DYM: variants seen among roughly 807,000 people sequenced by gnomAD.
DYM encodes the protein dyggve-Melchior-Clausen syndrome protein.
DYM carries 78 observed loss-of-function variants against 93.1 expected under a neutral mutation model. The observed-to-expected ratio is 0.84, with a 90% CI of 0.70 to 1.01. DYM has a LOEUF of 1.01. DYM is among the 50% of genes least tolerant of loss of function. DYM has a pLI of 0.00. For missense variants in DYM, 789 were observed against 845.0 expected (o/e 0.93, Z 0.82); for synonymous variants, 321 against 319.7 (o/e 1.00, Z -0.04).
intron 6 of DYM, among the ~76,000 whole-genome samples, chr18:49,344,711 A>G (rs1292565379): frequency 2.6e-5 from 4 of 152,152 alleles, no homozygotes; most frequent in African/African-American, 9.7e-5. Context: ...GGGGAAAAAA[A>G]AAAAGACCTG....
chr18:49,319,604 A>C (rs1440565811), intron 8 of DYM, among the ~76,000 whole-genome samples: 1 of 152,198 alleles, frequency 6.6e-6, no homozygotes, highest in African/African-American at 2.4e-5. Flanking sequence ...CACTTATCAC[A>C]CGTTATTTAA....
chr18:49,171,016 A>G (rs950141307), intron 14 of DYM, among the ~76,000 whole-genome samples: 1 of 152,060 alleles, frequency 6.6e-6, no homozygotes, highest in Admixed American at 6.6e-5. Context: ...ACAAAACCCA[A>G]CAACAACAAA....
intron 17 of DYM, among the ~76,000 whole-genome samples, chr18:49,091,396 G>GGA (rs2079036965): frequency 6.6e-6 from 1 of 152,204 alleles, no homozygotes; most frequent in African/African-American, 2.4e-5. Flanking sequence ...CAGGCATGAT[G>GGA]GAGAGAGAGA....
rs529352256 is a variant in DYM at position 49,438,667 on chromosome 18, A to G, written c.-53-8220T>C. Among the ~76,000 whole-genome samples, 8 of 152,274 alleles carry G rather than the reference A, an allele frequency of 5.3e-5. No individual in the cohort carries two copies. The South Asian group carries it at 1.0e-3, about 20-fold the overall frequency. ...GCCCTCACTCCCACAGGAAGCAACA[A>G]CAGGGTGCTACCTGCTAGGAACAGA... On this transcript the variant is annotated intron_variant, in intron 1 of 17. Coordinates refer to ENST00000675505, the MANE Select transcript of DYM (RefSeq NM_001353214.3).
At chr18:49,241,257 T>C (rs943967630) in intron 13 of DYM, among the ~76,000 whole-genome samples, 4 of 152,214 alleles carry the variant, frequency 2.6e-5, no homozygotes, top group Non-Finnish European at 5.9e-5. Flanking sequence ...AGGTAGATGA[T>C]GTCTGCCTAT....
chr18:49,231,575 G>A (rs2144429127), intron 13 of DYM, among the ~76,000 whole-genome samples: 1 of 152,290 alleles, frequency 6.6e-6, no homozygotes, highest in African/African-American at 2.4e-5. Flanking sequence ...GAAAATGCAG[G>A]TCACAGTTAC....
chr18:49,078,004 C>T (rs1218984572), intron 17 of DYM, among the ~76,000 whole-genome samples: 2 of 150,810 alleles, frequency 1.3e-5, no homozygotes, highest in Non-Finnish European at 2.9e-5. Flanking sequence ...TACTCAAATC[C>T]TCTCTTGTTT....
intron 14 of DYM, among the ~76,000 whole-genome samples, chr18:49,188,724 G>T (rs1239259097): frequency 1.3e-5 from 2 of 152,118 alleles, no homozygotes; most frequent in African/African-American, 4.8e-5. Context: ...AGCATTTGGA[G>T]ATATACCTAA....
At chr18:49,321,761 GA>G (rs1010624146) in intron 8 of DYM, among the ~76,000 whole-genome samples, 20 of 151,842 alleles carry the variant, frequency 1.3e-4, no homozygotes, top group African/African-American at 3.9e-4. Flanking sequence ...AAAAGGGGGG[GA>G]AAAAAGTCAT....
chr18:49,195,891 A>G (rs1490721580), intron 14 of DYM, among the ~76,000 whole-genome samples: 5 of 143,858 alleles, frequency 3.5e-5, no homozygotes, highest in African/African-American at 1.3e-4. Context: ...TCATTATCTA[A>G]TTATGCTCTC....
At chr18:49,396,291 A>C (rs1013484903) in intron 2 of DYM, among the ~76,000 whole-genome samples, 10 of 152,228 alleles carry the variant, frequency 6.6e-5, no homozygotes, top group African/African-American at 2.2e-4. Context: ...GAGGTTTTTC[A>C]ACAAATTAAA....
chr18:49,274,814 C>A (rs2094809665), intron 10 of DYM, among the ~76,000 whole-genome samples: 1 of 151,960 alleles, frequency 6.6e-6, no homozygotes, highest in South Asian at 2.1e-4. Context: ...GATCTTTCAT[C>A]CATTTTTTAA....
At chr18:49,061,917 TTC>T (rs1199900870) in intron 17 of DYM, among the ~76,000 whole-genome samples, 1 of 152,232 alleles carries the variant, frequency 6.6e-6, no homozygotes, top group Non-Finnish European at 1.5e-5. Flanking sequence ...ACAAATAAAA[TTC>T]TGTTTCCATC....
chr18:49,434,467 C>A (rs996623267), intron 1 of DYM, among the ~76,000 whole-genome samples: 1 of 152,078 alleles, frequency 6.6e-6, no homozygotes, highest in Non-Finnish European at 1.5e-5. Flanking sequence ...TTGCAGTGAG[C>A]CAAGACTGCA....
At chr18:49,051,032 A>G (rs993889017) in intron 17 of DYM, among the ~76,000 whole-genome samples, 1 of 152,224 alleles carries the variant, frequency 6.6e-6, no homozygotes, top group Non-Finnish European at 1.5e-5. Flanking sequence ...AATAAGTCAC[A>G]TGAAAAAGAG....
intron 3 of DYM, among the ~76,000 whole-genome samples, chr18:49,385,216 G>A: frequency 6.6e-6 from 1 of 152,194 alleles, no homozygotes; most frequent in East Asian, 1.9e-4. Flanking sequence ...ACTCTTTCAG[G>A]AGAGGATGGT....
intron 2 of DYM, among the ~76,000 whole-genome samples, chr18:49,420,377 C>T (rs1471527071): frequency 6.6e-6 from 1 of 152,030 alleles, no homozygotes; most frequent in African/African-American, 2.4e-5. Context: ...CCACGTTGAC[C>T]AGGCTGGTCT....
chr18:49,264,428 T>C (rs2094538243), intron 11 of DYM, among the ~76,000 whole-genome samples: 1 of 152,162 alleles, frequency 6.6e-6, no homozygotes, highest in Admixed American at 6.5e-5. Context: ...ACTACCAGCA[T>C]ATGAGAGTCC....
intron 5 of DYM, among the ~76,000 whole-genome samples, chr18:49,377,848 T>C (rs1481172293): frequency 6.6e-6 from 1 of 152,196 alleles, no homozygotes; most frequent in Non-Finnish European, 1.5e-5. Flanking sequence ...ATTAAAAGTA[T>C]ACACATCTCA....
Sources: allele counts gnomAD v4.1 joint callset (sites outside exome capture counted in the v4.1 genomes callset), GRCh38; gene constraint gnomAD v4.1.1; transcripts MANE v1.5; gene names NCBI Gene and HGNC (gene_info 2026-07-23, HGNC 2026-07-21).